ZFPM2: variants seen among roughly 807,000 people sequenced by gnomAD.
ZFPM2 encodes zinc finger protein, FOG family member 2.
Under a neutral mutation model 98.6 loss-of-function variants are expected in ZFPM2, and 20 were observed. That is an observed-to-expected ratio of 0.20 (90% CI 0.14 to 0.29). The LOEUF (loss-of-function observed/expected upper bound fraction) is 0.29. ZFPM2 is among the 10% of genes least tolerant of loss of function. ZFPM2 has a pLI of 1.00. For synonymous variants in ZFPM2, 518 were observed against 502.7 expected (o/e 1.03, Z -0.41); for missense variants, 1,310 against 1,388.6 (o/e 0.94, Z 0.90).
In ZFPM2 at chr8:105,802,744, G is replaced by A; in HGVS notation, c.2662G>A (p.Gly888Ser). 6.2e-7 allele frequency: 1 copy of A among 1,613,438 alleles called. No homozygotes were observed. ...PVTAHQRNDL[G>S]QLDGKVFPNP... is the part of the protein sequence containing the mutation. Reference sequence around the variant, plus strand: ...TACTGCACATCAGCGTAATGACCTGGGTCAACTGGACGGCAAAGTGTTTCC... The same window carrying A: ...TACTGCACATCAGCGTAATGACCTGAGTCAACTGGACGGCAAAGTGTTTCC... Residue 888 changes from glycine to serine, a missense_variant, in exon 8 of 8, where the codon GGT becomes AGT. By Grantham distance (56) the Gly-to-Ser change is moderately conservative. Coordinates refer to ENST00000407775, the MANE Select transcript of ZFPM2 (RefSeq NM_012082.4).
chr8:105,419,452 C>A, intron 2 of ZFPM2, 150 bp downstream of exon 2: 2 of 900,474 alleles, frequency 2.2e-6, no homozygotes, highest in South Asian at 2.0e-5. Context: ...AATTTTATTT[C>A]GAGGGACATG....
At chr8:105,344,373 T>C (rs896376622) in intron 1 of ZFPM2, among the ~76,000 whole-genome samples, 7 of 152,176 alleles carry the variant, frequency 4.6e-5, no homozygotes, top group African/African-American at 1.7e-4. Flanking sequence ...TTACAAAATA[T>C]GCAAAATTAA....
chr8:105,625,002 A>G (rs1816625687), intron 4 of ZFPM2, among the ~76,000 whole-genome samples: 1 of 152,152 alleles, frequency 6.6e-6, no homozygotes, highest in Non-Finnish European at 1.5e-5. Flanking sequence ...GTTCTCTGGA[A>G]TTTCACTCTC....
At position 105,330,565 on chromosome 8, in the gene ZFPM2, TATAC is replaced by T. The variant is rs1300164665; in HGVS notation, c.40+11588_40+11591del. Among the ~76,000 whole-genome samples the T allele has an allele frequency of 3.5e-3, 253 of 71,318 alleles. 2 individuals carry two copies. Among genetic ancestry groups the T allele is most frequent in the African/African-American group, 6.7e-3 (143 of 21,492 alleles). 46.8% of individuals were successfully genotyped at this position (71,318 alleles called of 152,430 possible). A position where few individuals can be genotyped will look rare whatever the true frequency, so the allele number is the denominator to read the frequency against. Reference sequence around the variant, plus strand: ...ATATATATATATACATATATATATATATACATATATATATACATATATATATATA... The same window carrying T: ...ATATATATATATACATATATATATATATATATATATACATATATATATATA... On this transcript the variant is annotated intron_variant, in intron 1 of 7. Transcript: ENST00000407775.
chr8:105,351,627 T>G (rs2129714670), intron 1 of ZFPM2, among the ~76,000 whole-genome samples: 1 of 152,288 alleles, frequency 6.6e-6, no homozygotes, highest in East Asian at 1.9e-4. Context: ...GACTCAGAAT[T>G]TTGCTTTCTG....
At chr8:105,662,851 G>A (rs1817418027) in intron 5 of ZFPM2, 1 of 151,976 alleles carries the variant, frequency 6.6e-6, no homozygotes, top group Non-Finnish European at 1.5e-5. Flanking sequence ...CGTCCCTAAC[G>A]GCGATGGCTA....
intron 5 of ZFPM2, among the ~76,000 whole-genome samples, chr8:105,642,249 G>T (rs1032420113): frequency 6.6e-6 from 1 of 152,052 alleles, no homozygotes; most frequent in Admixed American, 6.6e-5. Flanking sequence ...GGCAGAATAT[G>T]CGGCTTTGTG....
At chr8:105,450,876 C>G (rs1425175994) in intron 3 of ZFPM2, among the ~76,000 whole-genome samples, 2 of 151,872 alleles carry the variant, frequency 1.3e-5, no homozygotes, top group Non-Finnish European at 2.9e-5. Context: ...AAGCCTGGCT[C>G]TTTGTAGAAC....
At chr8:105,673,211 G>A (rs1369554396) in intron 5 of ZFPM2, among the ~76,000 whole-genome samples, 16 of 62,170 alleles carry the variant, frequency 2.6e-4, no homozygotes, top group Admixed American at 2.3e-3. Context: ...TTTTTTTACC[G>A]ATCGTACTTA....
chr8:105,612,135 C>G (rs867700244), intron 4 of ZFPM2, among the ~76,000 whole-genome samples: 1 of 152,074 alleles, frequency 6.6e-6, no homozygotes, highest in Non-Finnish European at 1.5e-5. Context: ...TCATTAAGAA[C>G]TGGGTAAGAT....
rs375543032 is a variant in ZFPM2, at chr8:105,438,051, T to C, written c.200-6229T>C. Among the ~76,000 whole-genome samples, 3 of 151,890 alleles carry C rather than the reference T, an allele frequency of 2.0e-5. No homozygotes were observed. In the East Asian group the frequency reaches 5.8e-4, roughly 29 times the overall value. ...GAGACTCTGTCTCCAATAAAAAAAATAGTAATAATAAAAATAAAAAATAAA... is the reference window on the plus strand; with the variant it reads ...GAGACTCTGTCTCCAATAAAAAAAACAGTAATAATAAAAATAAAAAATAAA... On this transcript the variant is annotated intron_variant, in intron 2 of 7. Coordinates refer to ENST00000407775, the MANE Select transcript of ZFPM2 (RefSeq NM_012082.4).
intron 5 of ZFPM2, among the ~76,000 whole-genome samples, chr8:105,748,793 A>T (rs374344920): frequency 3.9e-5 from 6 of 152,098 alleles, no homozygotes; most frequent in Non-Finnish European, 7.4e-5. Flanking sequence ...ACTCAAATGG[A>T]TATAATATGC....
intron 1 of ZFPM2, among the ~76,000 whole-genome samples, chr8:105,372,660 A>G (rs528015370): frequency 2.6e-5 from 4 of 152,326 alleles, no homozygotes; most frequent in South Asian, 4.1e-4. Flanking sequence ...TCTCTATATT[A>G]GTGTATACTT....
At chr8:105,422,691 C>G (rs1811828361) in intron 2 of ZFPM2, among the ~76,000 whole-genome samples, 1 of 152,022 alleles carries the variant, frequency 6.6e-6, no homozygotes, top group Non-Finnish European at 1.5e-5. Context: ...CAAAGGATAT[C>G]TTAAAAGTTC....
intron 4 of ZFPM2, among the ~76,000 whole-genome samples, chr8:105,585,712 A>T (rs1193032020): frequency 6.6e-6 from 1 of 152,152 alleles, no homozygotes; most frequent in Non-Finnish European, 1.5e-5. Flanking sequence ...GAGGAAATAT[A>T]GTATAGTAAT....
At chr8:105,321,769 A>G (rs1240748605) in intron 1 of ZFPM2, among the ~76,000 whole-genome samples, 1 of 152,156 alleles carries the variant, frequency 6.6e-6, no homozygotes, top group African/African-American at 2.4e-5. Flanking sequence ...AGATAAGAGG[A>G]GATAATGGGA....
chr8:105,736,547 G>A (rs1371091622), intron 5 of ZFPM2, among the ~76,000 whole-genome samples: 1 of 151,954 alleles, frequency 6.6e-6, no homozygotes, highest in African/African-American at 2.4e-5. Context: ...CTCTACAGTA[G>A]GGAATAAAAT....
intron 3 of ZFPM2, among the ~76,000 whole-genome samples, chr8:105,455,607 C>T (rs145342996): frequency 8.0e-4 from 122 of 152,222 alleles, no homozygotes; most frequent in African/African-American, 2.7e-3. Context: ...AAAAAAGAAA[C>T]GACTCTGATG....
At chr8:105,765,947 A>G (rs1812843876) in intron 5 of ZFPM2, among the ~76,000 whole-genome samples, 1 of 151,922 alleles carries the variant, frequency 6.6e-6, no homozygotes, top group Non-Finnish European at 1.5e-5. Flanking sequence ...GGCCTCATGT[A>G]GTTTACTCAA....
Sources: gnomAD v4.1 joint callset for allele counts (sites outside exome capture counted in the v4.1 genomes callset) on GRCh38, gnomAD v4.1.1 for gene constraint, MANE v1.5 for transcripts, NCBI Gene and HGNC (gene_info 2026-07-23, HGNC 2026-07-21) for gene names.